The following ZNF793 variants were observed in gnomAD, a reference collection of about 807,000 sequenced individuals.
ZNF793 encodes the protein zinc finger protein 793.
ZNF793 carries 5 observed loss-of-function variants against 12.4 expected under a neutral mutation model. The observed-to-expected ratio is 0.40, with a 90% CI of 0.21 to 0.84. The LOEUF is 0.84. Among genes scored for constraint, ZNF793 ranks in the 40% least tolerant of loss-of-function variants. ZNF793 has a pLI of 0.35. For missense variants in ZNF793, 456 were observed against 495.0 expected (o/e 0.92, Z 0.75); for synonymous variants, 162 against 172.4 (o/e 0.94, Z 0.47).
chr19:37,537,791 A>G lies in ZNF793; in HGVS notation c.1133A>G (p.Gln378Arg), dbSNP rs779040261. ...GCNECGKAFYQKPNLSRHQKI... is the reference protein window; with the variant it reads ...GCNECGKAFYRKPNLSRHQKI... ...AATGAATGTGGGAAAGCTTTCTACC[A>G]GAAGCCAAACCTCAGCAGACATCAG... Residue 378 changes from glutamine to arginine, a missense_variant, in exon 8 of 8, where the codon CAG becomes CGG. Physicochemically the swap from Gln to Arg is conservative, Grantham distance 43. Transcript: ENST00000627814. The G allele has an allele frequency of 5.6e-6, 9 of 1,614,040 alleles. No individual in the cohort carries two copies. The Admixed American group carries it at 1.5e-4, about 27-fold the overall frequency.
rs2042562031 is a variant in ZNF793, at chr19:37,543,098, G to A, written c.*5219G>A. 6.6e-6 allele frequency: 1 copy of A among 152,098 alleles called. No individual in the cohort carries two copies. Among genetic ancestry groups the A allele is most frequent in the East Asian group, 1.9e-4 (1 of 5,196 alleles). 9.4% of individuals were successfully genotyped at this position (152,098 alleles called of 1,614,324 possible). ...TAAAAAGGGAAAATTTCATAATAATGTATACGATTCTATTTTTAAAAAAAG... is the reference window on the plus strand; with the variant it reads ...TAAAAAGGGAAAATTTCATAATAATATATACGATTCTATTTTTAAAAAAAG... On this transcript the variant is annotated 3_prime_UTR_variant, in exon 8 of 8. Transcript: ENST00000627814.
At position 37,537,958 on chromosome 19, in the gene ZNF793, C is replaced by T. The variant is rs1330218348; in HGVS notation, c.*79C>T. The T allele has an allele frequency of 3.0e-5, 43 of 1,426,932 alleles. No individual in the cohort carries two copies. Among genetic ancestry groups the T allele is most frequent in the South Asian group, 1.1e-4 (7 of 65,846 alleles). The allele number at this position is 1,426,932 out of a possible 1,614,324, so 88.4% of individuals were successfully genotyped here. A position where few individuals can be genotyped will look rare whatever the true frequency, so the allele number is the denominator to read the frequency against. On this transcript the variant is annotated 3_prime_UTR_variant, in exon 8 of 8. Coordinates refer to ENST00000627814, the MANE Select transcript of ZNF793 (RefSeq NM_001013659.3). ...TTGGAATCTCACTTTGTCACCCAGG[C>T]TGGAGTGCAGTGGCGCGATCTCGGC...
At chr19:37,513,974 A>G (rs1034162390) in intron 2 of ZNF793, among the ~76,000 whole-genome samples, 1 of 152,184 alleles carries the variant, frequency 6.6e-6, no homozygotes. Flanking sequence ...TAACGATCTA[A>G]AAAAGGAAAA....
Position 37,537,356 on chromosome 19 carries a change from G to A in ZNF793, c.698G>A (p.Gly233Glu). ...AAACCCCACGTCTGTAGTGAGTGTG[G>A]GAAAGCCTTCTGCTACAAGTCTGAA... Reference protein sequence around the residue: ...TEKPHVCSECGKAFCYKSEFI... With the variant: ...TEKPHVCSECEKAFCYKSEFI... The change falls in exon 8 of 8, where the codon GGG becomes GAG. Residue 233 changes from glycine (G) to glutamate (E), a missense_variant. Transcript: ENST00000627814. 1 of 1,613,060 alleles carries A rather than the reference G, an allele frequency of 6.2e-7. No homozygotes were observed. Among genetic ancestry groups the A allele is most frequent in the Non-Finnish European group, 8.5e-7 (1 of 1,179,458 alleles).
rs1444546010 is a variant in ZNF793 at position 37,538,198 on chromosome 19, A to C, written c.*319A>C. On this transcript the variant is annotated 3_prime_UTR_variant, in exon 8 of 8. Coordinates refer to ENST00000627814, the MANE Select transcript of ZNF793 (RefSeq NM_001013659.3). The stretch of plus-strand genomic sequence containing the variant: ...CCAAAGTGCTGGGATTACAGGCGTG[A>C]GCCACCGCGCCTGGCCGGTATGTAG... The C allele has an allele frequency of 3.9e-5, 9 of 233,230 alleles. No homozygotes were observed. The highest frequency in any genetic ancestry group is 3.5e-4 in the Admixed American group (7 of 19,840). 14.4% of individuals were successfully genotyped at this position (233,230 alleles called of 1,614,324 possible). A position where few individuals can be genotyped will look rare whatever the true frequency, so the allele number is the denominator to read the frequency against.
At chr19:37,525,644 A>T (rs1364878954) in intron 5 of ZNF793, among the ~76,000 whole-genome samples, 2 of 149,980 alleles carry the variant, frequency 1.3e-5, no homozygotes, top group East Asian at 3.9e-4. Context: ...GATGGTCTCG[A>T]TCTCCTGACC....
chr19:37,517,797 T>A (rs966685559), intron 2 of ZNF793, among the ~76,000 whole-genome samples: 1 of 152,120 alleles, frequency 6.6e-6, no homozygotes, highest in Non-Finnish European at 1.5e-5. Flanking sequence ...CTATGATGTG[T>A]CATAGTTTTA....
Position 37,537,188 on chromosome 19 carries a change from A to G in ZNF793, c.530A>G (p.Asn177Ser), listed in dbSNP as rs377415105. ...TATGGGAAATTGCTTCAGCGTATAA[A>G]TCATGGTAGACGACCTAATGGAGAA... ...YAYGKLLQRINHGRRPNGEKP... is the reference protein window; with the variant it reads ...YAYGKLLQRISHGRRPNGEKP... Residue 177 changes from asparagine (N) to serine (S), a missense_variant, in exon 8 of 8, where the codon AAT (asparagine) becomes AGT (serine). Coordinates refer to ENST00000627814, the MANE Select transcript of ZNF793 (RefSeq NM_001013659.3). 11 of 1,613,740 alleles carry G rather than the reference A, an allele frequency of 6.8e-6. No individual in the cohort carries two copies. Among genetic ancestry groups the G allele is most frequent in the Non-Finnish European group, 7.6e-6 (9 of 1,179,806 alleles).
intron 5 of ZNF793, among the ~76,000 whole-genome samples, chr19:37,525,771 G>A (rs1489273835): frequency 6.6e-6 from 1 of 152,180 alleles, no homozygotes; most frequent in African/African-American, 2.4e-5. Context: ...CAAGTGTACA[G>A]AAGCCCTGAA....
rs1158527241 is a variant in ZNF793 at position 37,538,770 on chromosome 19, G to C, written c.*891G>C. 6.6e-6 allele frequency: 1 copy of C among 152,146 alleles called. No individual in the cohort carries two copies. Among genetic ancestry groups the C allele is most frequent in the African/African-American group, 2.4e-5 (1 of 41,426 alleles). The allele number at this position is 152,146 out of a possible 1,614,324, so 9.4% of individuals were successfully genotyped here. A position where few individuals can be genotyped will look rare whatever the true frequency, so the allele number is the denominator to read the frequency against. On this transcript the variant is annotated 3_prime_UTR_variant, in exon 8 of 8. Coordinates refer to ENST00000627814, the MANE Select transcript of ZNF793 (RefSeq NM_001013659.3). ...AAAATATCTGTGAAGAGACTTAAAG[G>C]CATACTCTGGTATATTCCACAGTGA...
chr19:37,521,529 A>C lies in ZNF793; in HGVS notation c.-146-1003A>C, dbSNP rs574336042. ...CTGCTCACTGCAGCCTCCACCTCCC[A>C]GGTTCAAGGGATCAAGGGATTCTCC... On this transcript the variant is annotated intron_variant, in intron 3 of 7. Transcript: ENST00000627814. Among the ~76,000 whole-genome samples, 4 of 138,822 alleles carry C rather than the reference A, an allele frequency of 2.9e-5. No individual in the cohort carries two copies. In the East Asian group the frequency reaches 8.7e-4, roughly 30 times the overall value. The allele number at this position is 138,822 out of a possible 152,430, so 91.1% of individuals were successfully genotyped here.
intron 2 of ZNF793, among the ~76,000 whole-genome samples, 189 bp downstream of exon 2, chr19:37,508,592 G>A (rs1462411156): frequency 6.6e-6 from 1 of 152,122 alleles, no homozygotes; most frequent in East Asian, 1.9e-4. Context: ...TGAGGTCCCA[G>A]CTACTCTGGA....
intron 2 of ZNF793, among the ~76,000 whole-genome samples, chr19:37,513,688 G>A (rs1016161289): frequency 6.6e-6 from 1 of 152,206 alleles, no homozygotes; most frequent in African/African-American, 2.4e-5. Context: ...TTTCAGAAAC[G>A]TGGTAAAACT....
chr19:37,529,291 T>C (rs573613059), intron 5 of ZNF793, among the ~76,000 whole-genome samples: 47 of 152,288 alleles, frequency 3.1e-4, no homozygotes, highest in African/African-American at 1.0e-3. Context: ...CGTTCCATCT[T>C]TCTCTAACGG....
intron 2 of ZNF793, among the ~76,000 whole-genome samples, chr19:37,517,267 G>T (rs970884548): frequency 3.3e-5 from 5 of 152,044 alleles, no homozygotes; most frequent in African/African-American, 1.2e-4. Flanking sequence ...ACTGTTTCCT[G>T]CCTTCATATT....
intron 2 of ZNF793, among the ~76,000 whole-genome samples, chr19:37,508,682 G>A (rs1450657314): frequency 6.6e-6 from 1 of 151,848 alleles, no homozygotes; most frequent in Admixed American, 6.6e-5. Context: ...CTCCAGCCCG[G>A]GTGACAGAAT....
At chr19:37,508,083 C>T (rs2042264880) in intron 1 of ZNF793, among the ~76,000 whole-genome samples, 182 bp from the exon 2 acceptor site, 1 of 152,162 alleles carries the variant, frequency 6.6e-6, no homozygotes, top group South Asian at 2.1e-4. Context: ...CAGTTCCTCT[C>T]CACCAAGGCC....
intron 6 of ZNF793, among the ~76,000 whole-genome samples, chr19:37,533,062 C>T (rs1457326656): frequency 1.3e-5 from 2 of 152,114 alleles, no homozygotes; most frequent in African/African-American, 2.4e-5. Flanking sequence ...TAGTAGATAG[C>T]AGAGTCAGGA....
intron 7 of ZNF793, chr19:37,535,338 A>G (rs1343743349): frequency 1.3e-5 from 2 of 152,130 alleles, no homozygotes; most frequent in South Asian, 2.1e-4. Context: ...GACCCAGATT[A>G]TCTCATGACT....
Sources: allele counts gnomAD v4.1 joint callset (sites outside exome capture counted in the v4.1 genomes callset), GRCh38; gene constraint gnomAD v4.1.1; transcripts MANE v1.5; gene names NCBI Gene and HGNC (gene_info 2026-07-23, HGNC 2026-07-21).